ARHGEF10: variants seen among roughly 807,000 people sequenced by gnomAD.
The protein encoded by ARHGEF10 is Rho guanine nucleotide exchange factor (GEF) 10.
In ARHGEF10, 140 loss-of-function variants were observed where a neutral mutation model predicts 147.4. The observed-to-expected ratio is 0.95, with a 90% CI of 0.83 to 1.09. The LOEUF (loss-of-function observed/expected upper bound fraction) is 1.09. ARHGEF10 is among the 50% of genes least tolerant of loss of function. The pLI is 0.00. For missense variants in ARHGEF10, 2,222 were observed against 1,752.7 expected, an observed-to-expected ratio of 1.27 and a Z score of -4.78; for synonymous variants, 902 against 695.8, an observed-to-expected ratio of 1.30 and a Z score of -4.67.
chr8:1,824,011 C>A lies in ARHGEF10; in HGVS notation c.-150C>A, dbSNP rs865897845. On this transcript the variant is annotated 5_prime_UTR_variant, in exon 1 of 29. Transcript: ENST00000349830. Reference sequence around the variant, plus strand: ...GGGACGCGGGGGACGCGGGGGACGGCGGGGAACGGCGGGGGACGGCGGGGA... The same window carrying A: ...GGGACGCGGGGGACGCGGGGGACGGAGGGGAACGGCGGGGGACGGCGGGGA... The A allele has an allele frequency of 7.7e-5, 2 of 25,948 alleles. No individual in the cohort carries two copies. Among genetic ancestry groups the A allele is most frequent in the Non-Finnish European group, 1.4e-4 (2 of 14,206 alleles). The allele number at this position is 25,948 out of a possible 1,614,324, so 1.6% of individuals were successfully genotyped here.
intron 3 of ARHGEF10, 40 bp downstream of exon 3, chr8:1,858,155 G>T: frequency 6.6e-7 from 1 of 1,506,424 alleles, no homozygotes; most frequent in East Asian, 2.4e-5. Context: ...TCCCCAGGTG[G>T]GTCCCCAGGT....
chr8:1,916,723 C>G (rs1228621624), intron 18 of ARHGEF10, among the ~76,000 whole-genome samples: 1 of 152,194 alleles, frequency 6.6e-6, no homozygotes, highest in African/African-American at 2.4e-5. Flanking sequence ...ATTTGTGCCT[C>G]TTATCAGACT....
chr8:1,861,633 GA>G (rs892384973), intron 4 of ARHGEF10, among the ~76,000 whole-genome samples: 7 of 151,406 alleles, frequency 4.6e-5, no homozygotes, highest in Admixed American at 2.0e-4. Flanking sequence ...TAACAGTTGA[GA>G]AAAAAAAATC....
rs1563233460 is a variant in ARHGEF10 at position 1,888,130 on chromosome 8, T to TTGCGAGGAGACACTTAGTGGGGCGAGGG, written c.1182+2424_1182+2425insGCGAGGAGACACTTAGTGGGGCGAGGGT. 9.7e-4 allele frequency among the ~76,000 whole-genome samples: 28 copies of TTGCGAGGAGACACTTAGTGGGGCGAGGG among 29,012 alleles called. 1 individual carries two copies. The African/African-American group carries it at 0.012, about 13-fold the overall frequency. 19.0% of individuals were successfully genotyped at this position (29,012 alleles called of 152,430 possible). On this transcript the variant is annotated intron_variant, in intron 11 of 28. Coordinates refer to ENST00000349830, the MANE Select transcript of ARHGEF10 (RefSeq NM_014629.4). Reference sequence around the variant, plus strand: ...GAGGAGACACTTAGTGGGGTGAGGGTTTGCGAGGAGACACTTAGTGGGGCG... The same window carrying TTGCGAGGAGACACTTAGTGGGGCGAGGG: ...GAGGAGACACTTAGTGGGGTGAGGGTTGCGAGGAGACACTTAGTGGGGCGAGGGTTGCGAGGAGACACTTAGTGGGGCG...
intron 18 of ARHGEF10, among the ~76,000 whole-genome samples, chr8:1,916,080 A>T (rs1811741384): frequency 6.6e-6 from 1 of 152,210 alleles, no homozygotes; most frequent in African/African-American, 2.4e-5. Context: ...TCATTCCCAT[A>T]AGTCTCGTGG....
intron 1 of ARHGEF10, among the ~76,000 whole-genome samples, chr8:1,839,840 G>A: frequency 6.8e-6 from 1 of 147,402 alleles, no homozygotes; most frequent in South Asian, 2.2e-4. Flanking sequence ...GGGACTGTCT[G>A]GTGTGGAAGC....
Position 1,958,105 on chromosome 8 carries a change from G to A in ARHGEF10, c.*842G>A, listed in dbSNP as rs1815720943. The A allele has an allele frequency of 6.6e-6, 1 of 152,252 alleles. No homozygotes were observed. Among genetic ancestry groups the A allele is most frequent in the African/African-American group, 2.4e-5 (1 of 41,460 alleles). 9.4% of individuals were successfully genotyped at this position (152,252 alleles called of 1,614,324 possible). ...AGTATTAGAGGAGATAGGCAGAGAAGTCTTGCTTAGTTCCTTCGTGCAGCT... is the reference window on the plus strand; with the variant it reads ...AGTATTAGAGGAGATAGGCAGAGAAATCTTGCTTAGTTCCTTCGTGCAGCT... On this transcript the variant is annotated 3_prime_UTR_variant, in exon 29 of 29. Coordinates refer to ENST00000349830, the MANE Select transcript of ARHGEF10 (RefSeq NM_014629.4).
At chr8:1,862,083 T>C (rs1348213652) in intron 4 of ARHGEF10, among the ~76,000 whole-genome samples, 1 of 152,206 alleles carries the variant, frequency 6.6e-6, no homozygotes, top group African/African-American at 2.4e-5. Context: ...GTTTTGATCA[T>C]TGAATGAGGG....
intron 4 of ARHGEF10, 113 bp from the exon 5 acceptor site, chr8:1,864,260 A>T: frequency 9.4e-7 from 1 of 1,060,968 alleles, no homozygotes. Flanking sequence ...TTATGCTAAG[A>T]TAAGCCTCTG....
rs749377225 is a variant in ARHGEF10, at chr8:1,903,257, C to T, written c.1651-24C>T. ...CTGGGAGTGTCCACGTGGTAACTGC[C>T]CACCTCTCCCCTGTTGCTTGTAGGA... On this transcript the variant is annotated intron_variant, in intron 15 of 28. Transcript: ENST00000349830. 3.7e-6 allele frequency: 6 copies of T among 1,613,724 alleles called. No individual in the cohort carries two copies. The African/African-American group carries it at 8.0e-5, about 22-fold the overall frequency.
At chr8:1,842,136 G>A (rs1804143404) in intron 1 of ARHGEF10, among the ~76,000 whole-genome samples, 1 of 151,792 alleles carries the variant, frequency 6.6e-6, no homozygotes, top group Non-Finnish European at 1.5e-5. Flanking sequence ...GGGGGTGGTG[G>A]CACGTGGCAG....
chr8:1,923,606 G>C lies in ARHGEF10; in HGVS notation c.2387+11G>C. 5 of 1,614,152 alleles carry C rather than the reference G, an allele frequency of 3.1e-6. No homozygotes were observed. Among genetic ancestry groups the C allele is most frequent in the Non-Finnish European group, 4.2e-6 (5 of 1,180,050 alleles). On this transcript the variant is annotated intron_variant, in intron 20 of 28. Transcript: ENST00000349830. ...CGGGAAGCAGGACAAGTTAGTAGTA[G>C]CTTTAAAACGAAACCTTCTTGGCCA...
chr8:1,908,086 G>A (rs1367134016), intron 17 of ARHGEF10, among the ~76,000 whole-genome samples: 2 of 151,994 alleles, frequency 1.3e-5, no homozygotes, highest in African/African-American at 4.8e-5. Context: ...TTCCTGTATG[G>A]ACTGGATGTC....
chr8:1,858,077 C>T lies in ARHGEF10; in HGVS notation c.155C>T (p.Thr52Ile). The T allele has an allele frequency of 6.2e-7, 1 of 1,614,156 alleles. No homozygotes were observed. Among genetic ancestry groups the T allele is most frequent in the South Asian group, 1.1e-5 (1 of 91,072 alleles). Residue 52 changes from threonine to isoleucine, a missense_variant, in exon 3 of 29, where the codon ACA becomes ATA. Physicochemically the swap from Thr to Ile is moderately conservative, Grantham distance 89 (BLOSUM62 -1). Coordinates refer to ENST00000349830, the MANE Select transcript of ARHGEF10 (RefSeq NM_014629.4). ...ADRQAPSAPE[T>I]GGAGASEAPA... is the part of the protein sequence containing the mutation. ...AGACAGGCCCCATCCGCCCCTGAGA[C>T]AGGAGGTGCTGGAGCCAGTGAAGCC...
intron 27 of ARHGEF10, among the ~76,000 whole-genome samples, chr8:1,950,321 A>G (rs980605932): frequency 6.6e-6 from 1 of 152,168 alleles, no homozygotes; most frequent in African/African-American, 2.4e-5. Flanking sequence ...AGCCTCTGGA[A>G]TCGGAAAATG....
intron 18 of ARHGEF10, among the ~76,000 whole-genome samples, chr8:1,909,848 C>T (rs753240901): frequency 3.3e-5 from 5 of 152,100 alleles, no homozygotes; most frequent in Non-Finnish European, 7.3e-5. Flanking sequence ...GAGCTTGAGG[C>T]GGTGGTGGTT....
At chr8:1,908,425 G>C (rs1210315230) in intron 17 of ARHGEF10, among the ~76,000 whole-genome samples, 1 of 151,838 alleles carries the variant, frequency 6.6e-6, no homozygotes, top group Middle Eastern at 3.2e-3. Flanking sequence ...GTAGAGATGG[G>C]GTGTCACTGT....
rs1354309683 is a variant in ARHGEF10 at position 1,957,300 on chromosome 8, C to T, written c.*37C>T. On this transcript the variant is annotated 3_prime_UTR_variant, in exon 29 of 29. Coordinates refer to ENST00000349830, the MANE Select transcript of ARHGEF10 (RefSeq NM_014629.4). Reference sequence around the variant, plus strand: ...GCCTTCTGCTGTCAGAATTTGCAATCAAGGGTGACTTCTCAGCTAATCCTA... The same window carrying T: ...GCCTTCTGCTGTCAGAATTTGCAATTAAGGGTGACTTCTCAGCTAATCCTA... The T allele has an allele frequency of 6.3e-7, 1 of 1,593,788 alleles. No homozygotes were observed. Among genetic ancestry groups the T allele is most frequent in the Non-Finnish European group, 8.5e-7 (1 of 1,173,118 alleles).
intron 27 of ARHGEF10, among the ~76,000 whole-genome samples, chr8:1,952,355 T>C (rs1246055480): frequency 6.6e-6 from 1 of 152,170 alleles, no homozygotes; most frequent in African/African-American, 2.4e-5. Flanking sequence ...GCTCACGAGC[T>C]CACGTGCTAC....
Sources: gnomAD v4.1 joint callset for allele counts (sites outside exome capture counted in the v4.1 genomes callset) on GRCh38, gnomAD v4.1.1 for gene constraint, MANE v1.5 for transcripts, NCBI Gene and HGNC (gene_info 2026-07-23, HGNC 2026-07-21) for gene names.